Variants in TNIK observed in about 807,000 individuals in gnomAD.
TNIK encodes the protein TRAF2 and NCK-interacting protein kinase.
A neutral mutation model predicts 191.3 loss-of-function variants in TNIK; 49 were observed. The ratio of observed to expected loss-of-function variants is 0.26; its 90% CI spans 0.20 to 0.32. The LOEUF is 0.32. Among genes scored for constraint, TNIK ranks in the 10% least tolerant of loss-of-function variants. The probability of loss-of-function intolerance (pLI) is 1.00; values close to 1 mark genes in which losing one functional copy is unlikely to be tolerated. For synonymous variants in TNIK, 594 were observed against 600.9 expected, an observed-to-expected ratio of 0.99 and a Z score of 0.17; for missense variants, 1,155 against 1,702.3, an observed-to-expected ratio of 0.68 and a Z score of 5.66.
chr3:171,079,745 A>AAG, intron 27 of TNIK, 93 bp from the exon 28 acceptor site: 1 of 1,350,000 alleles, frequency 7.4e-7, no homozygotes, highest in Non-Finnish European at 9.9e-7. Flanking sequence ...TATTTTATTT[A>AAG]CGTGTGTGTG....
In TNIK at chr3:171,460,316, AT is replaced by A; in HGVS notation, c.-254del. The A allele has an allele frequency of 1.7e-6, 1 of 574,546 alleles. No individual in the cohort carries two copies. The highest frequency in any genetic ancestry group is 3.1e-6 in the Non-Finnish European group (1 of 324,830). The allele number at this position is 574,546 out of a possible 1,614,324, so 35.6% of individuals were successfully genotyped here. ...CGGTGCGTGTGGGCTGAGCGCCCCG[AT>A]CGGCTAAGGGCGCTGGGGCTGCGTG... On this transcript the variant is annotated 5_prime_UTR_variant, in exon 1 of 33. Transcript: ENST00000436636. This position sits in a 1 kb window ranked among gnomAD's most constrained non-coding sequence, Gnocchi z 6.8.
At chr3:171,230,198 T>C (rs1743451766) in intron 2 of TNIK, among the ~76,000 whole-genome samples, 1 of 152,122 alleles carries the variant, frequency 6.6e-6, no homozygotes, top group Non-Finnish European at 1.5e-5. Flanking sequence ...AAACCATGAG[T>C]CAATCTTGCA....
intron 2 of TNIK, among the ~76,000 whole-genome samples, chr3:171,304,703 C>T (rs1292040798): frequency 7.9e-5 from 12 of 152,206 alleles, no homozygotes; most frequent in Non-Finnish European, 1.5e-4. Context: ...AGTTCATGTC[C>T]TTTGTAGGGA....
chr3:171,256,690 GA>G (rs1467219383), intron 2 of TNIK, among the ~76,000 whole-genome samples: 1 of 152,182 alleles, frequency 6.6e-6, no homozygotes, highest in East Asian at 1.9e-4. Flanking sequence ...ACCCAAAAGA[GA>G]AGCCATTTAT....
chr3:171,069,617 G>T (rs1333694587), intron 29 of TNIK, among the ~76,000 whole-genome samples: 1 of 152,186 alleles, frequency 6.6e-6, no homozygotes, highest in East Asian at 1.9e-4. Flanking sequence ...GACTATTTGG[G>T]TTTAACTAGA....
chr3:171,322,875 C>A (rs1053255553), intron 2 of TNIK, among the ~76,000 whole-genome samples: 2 of 144,922 alleles, frequency 1.4e-5, no homozygotes, highest in Non-Finnish European at 3.0e-5. Flanking sequence ...GGTTGTGAAA[C>A]TCTGCCAAGT....
intron 2 of TNIK, among the ~76,000 whole-genome samples, chr3:171,274,052 G>T (rs1749436865): frequency 6.6e-6 from 1 of 152,198 alleles, no homozygotes; most frequent in African/African-American, 2.4e-5. Flanking sequence ...GAGTGAGAAA[G>T]TGAGTTAGCT....
At chr3:171,176,902 C>T (rs1736027350) in intron 8 of TNIK, among the ~76,000 whole-genome samples, 1 of 152,174 alleles carries the variant, frequency 6.6e-6, no homozygotes, top group South Asian at 2.1e-4. Flanking sequence ...TTTTAAACAT[C>T]AGTATTTTAA....
chr3:171,378,686 A>G (rs1324608841), intron 1 of TNIK, among the ~76,000 whole-genome samples: 3 of 152,176 alleles, frequency 2.0e-5, no homozygotes, highest in African/African-American at 4.8e-5. Context: ...GACAGCCACA[A>G]TGCGGTAAGG....
chr3:171,136,540 G>A (rs1729997929), intron 15 of TNIK, among the ~76,000 whole-genome samples: 1 of 152,128 alleles, frequency 6.6e-6, no homozygotes, highest in Non-Finnish European at 1.5e-5. Flanking sequence ...AAGTCTAATA[G>A]GACAAGCTCG....
chr3:171,087,469 C>T lies in TNIK; in HGVS notation c.2759G>A (p.Ser920Asn). ...GEKKRSGHSD[S>N]NGFAGHINLP... is the part of the protein sequence containing the mutation. ...GTTGATGTGGCCAGCAAAGCCATTGCTGTCACTGTGGCCAGATCGCTTCTT... is the reference window on the plus strand; with the variant it reads ...GTTGATGTGGCCAGCAAAGCCATTGTTGTCACTGTGGCCAGATCGCTTCTT... Residue 920 changes from serine (S) to asparagine (N), a missense_variant, in exon 24 of 33, where the codon AGC becomes AAC. Physicochemically the swap from Ser to Asn is conservative, Grantham distance 46 (BLOSUM62 1). Coordinates refer to ENST00000436636, the MANE Select transcript of TNIK (RefSeq NM_015028.4). 3 of 1,613,902 alleles carry T rather than the reference C, an allele frequency of 1.9e-6. No homozygotes were observed. In the South Asian group the frequency reaches 3.3e-5, roughly 18 times the overall value.
intron 1 of TNIK, among the ~76,000 whole-genome samples, chr3:171,400,647 T>C (rs1720829042): frequency 6.6e-6 from 1 of 151,826 alleles, no homozygotes; most frequent in Non-Finnish European, 1.5e-5. Flanking sequence ...CCCAAGAATA[T>C]TCTTCCACAT....
At chr3:171,196,998 G>A (rs539607593) in intron 4 of TNIK, among the ~76,000 whole-genome samples, 8 of 152,112 alleles carry the variant, frequency 5.3e-5, no homozygotes, top group African/African-American at 1.2e-4. Flanking sequence ...TTTGTGATCC[G>A]CCCGCCTCGG....
At chr3:171,104,088 A>ATTATTTCTAAGTTTAATTG (rs1724197733) in intron 21 of TNIK, among the ~76,000 whole-genome samples, 4 of 151,748 alleles carry the variant, frequency 2.6e-5, no homozygotes, top group African/African-American at 9.7e-5. Flanking sequence ...GAAATTTTCA[A>ATTATTTCTAAGTTTAATTG]TTAACAGTTT....
At chr3:171,399,917 A>G (rs1165296204) in intron 1 of TNIK, among the ~76,000 whole-genome samples, 1 of 152,216 alleles carries the variant, frequency 6.6e-6, no homozygotes, top group East Asian at 1.9e-4. Flanking sequence ...AATAAAAATC[A>G]AAGCAGAAAG....
chr3:171,093,504 T>G (rs1189826785), intron 23 of TNIK, among the ~76,000 whole-genome samples: 2 of 152,210 alleles, frequency 1.3e-5, no homozygotes, highest in African/African-American at 4.8e-5. Flanking sequence ...GTGATGCTAT[T>G]CAGAGAGACC....
rs944940632 is a variant in TNIK at position 171,363,366 on chromosome 3, T to C, written c.123+6254A>G. ...TGCACAGTGAACACTCAGTCCTAAT[T>C]AGATAATCTGATTACGCACTTCTTA... On this transcript the variant is annotated intron_variant, in intron 2 of 32. Coordinates refer to ENST00000436636, the MANE Select transcript of TNIK (RefSeq NM_015028.4). Among the ~76,000 whole-genome samples the C allele has an allele frequency of 5.3e-4, 80 of 152,326 alleles. 2 individuals carry two copies. The highest frequency in any genetic ancestry group is 2.6e-4 in the Non-Finnish European group (18 of 68,030).
intron 2 of TNIK, among the ~76,000 whole-genome samples, chr3:171,242,111 A>T (rs1212031391): frequency 2.0e-5 from 3 of 151,234 alleles, no homozygotes; most frequent in African/African-American, 4.9e-5. Flanking sequence ...ACATGTATAT[A>T]TATGTAACAA....
rs777006209 is a variant in TNIK, at chr3:171,228,132, T to A, written c.180+33A>T. ...CATCATAAGTCAAGGAGCATCTGCATGGCTATTGAGATGGCAAAATAAAGA... is the reference window on the plus strand; with the variant it reads ...CATCATAAGTCAAGGAGCATCTGCAAGGCTATTGAGATGGCAAAATAAAGA... On this transcript the variant is annotated intron_variant, in intron 3 of 32. Transcript: ENST00000436636. 3 of 1,612,254 alleles carry A rather than the reference T, an allele frequency of 1.9e-6. No homozygotes were observed. In the South Asian group the frequency reaches 3.3e-5, roughly 18 times the overall value.
Sources: gnomAD v4.1 joint callset for allele counts (sites outside exome capture counted in the v4.1 genomes callset) on GRCh38, gnomAD v4.1.1 for gene constraint, Gnocchi (gnomAD v3.1) non-coding constraint, MANE v1.5 for transcripts, NCBI Gene and HGNC (gene_info 2026-07-23, HGNC 2026-07-21) for gene names.